Variants in TRA2A observed in about 807,000 individuals in gnomAD.
TRA2A encodes the protein transformer 2 alpha homolog.
A neutral mutation model predicts 45.7 loss-of-function variants in TRA2A; 31 were observed. The observed-to-expected ratio is 0.68, with a 90% confidence interval of 0.51 to 0.92. The LOEUF (loss-of-function observed/expected upper bound fraction) is 0.92. Among genes scored for constraint, TRA2A ranks in the 40% least tolerant of loss-of-function variants. TRA2A has a pLI of 0.00. For synonymous variants in TRA2A, 132 were observed against 126.2 expected (o/e 1.05, Z -0.31); for missense variants, 304 against 367.5 (o/e 0.83, Z 1.41).
chr7:23,531,646 C>T, intron 1 of TRA2A, 143 bp downstream of exon 1: 1 of 844,630 alleles, frequency 1.2e-6, no homozygotes, highest in Admixed American at 2.4e-5. Flanking sequence ...CAGAAGCCAT[C>T]TTGGGATGGG....
At chr7:23,520,834 A>G (rs1790104116) in intron 2 of TRA2A, among the ~76,000 whole-genome samples, 1 of 151,970 alleles carries the variant, frequency 6.6e-6, no homozygotes, top group Non-Finnish European at 1.5e-5. Flanking sequence ...CTGGGACTAC[A>G]GGTGCCCGCC....
intron 2 of TRA2A, among the ~76,000 whole-genome samples, chr7:23,518,025 C>T (rs561486377): frequency 2.0e-5 from 3 of 150,428 alleles, no homozygotes; most frequent in Admixed American, 1.3e-4. Context: ...TGCAACCTCT[C>T]TCTCCCAGGC....
intron 1 of TRA2A, among the ~76,000 whole-genome samples, chr7:23,528,730 C>A (rs151067511): frequency 1.3e-5 from 2 of 150,616 alleles, no homozygotes; most frequent in Non-Finnish European, 3.0e-5. Context: ...TGCAGTGATG[C>A]GATCTCGGCT....
intron 1 of TRA2A, among the ~76,000 whole-genome samples, chr7:23,530,909 A>ATT (rs35844350): frequency 9.3e-4 from 137 of 147,346 alleles, no homozygotes; most frequent in Middle Eastern, 3.5e-3. Context: ...AGAAAGACAG[A>ATT]TTTTTTTTTT....
At chr7:23,519,697 A>C (rs1464829943) in intron 2 of TRA2A, among the ~76,000 whole-genome samples, 2 of 152,236 alleles carry the variant, frequency 1.3e-5, no homozygotes, top group East Asian at 1.9e-4. Context: ...TAAGTAATCA[A>C]GCAAAATTTT....
At chr7:23,506,985 G>C (rs753921357) in intron 5 of TRA2A, among the ~76,000 whole-genome samples, 4 of 151,948 alleles carry the variant, frequency 2.6e-5, no homozygotes, top group East Asian at 1.9e-4. Context: ...CCGTGGTCCC[G>C]ATCTCGTGAT....
rs527599455 is a variant in TRA2A, at chr7:23,520,370, G to A, written c.170+1337C>T. Among the ~76,000 whole-genome samples, 5 of 152,306 alleles carry A rather than the reference G, an allele frequency of 3.3e-5. No individual in the cohort carries two copies. The South Asian group carries it at 8.3e-4, about 25-fold the overall frequency. ...AAATGAAATGAGACAGGAGAAAAAC[G>A]TTCTAGGTTGAAGGTGGCAAATGCA... is the stretch of plus-strand genomic sequence containing the variant. On this transcript the variant is annotated intron_variant, in intron 2 of 7. Transcript: ENST00000297071.
At chr7:23,508,803 T>G (rs959819473) in intron 4 of TRA2A, among the ~76,000 whole-genome samples, 2 of 151,698 alleles carry the variant, frequency 1.3e-5, no homozygotes, top group Admixed American at 1.3e-4. Context: ...CTGCATGCAT[T>G]TATTTTTGTA....
intron 6 of TRA2A, 58 bp downstream of exon 6, chr7:23,506,080 T>C (rs1271584729): frequency 1.2e-5 from 17 of 1,432,488 alleles, no homozygotes; most frequent in Middle Eastern, 1.8e-4. Flanking sequence ...AACATAAAAG[T>C]GCCAAGTAAC....
chr7:23,512,766 C>T, intron 4 of TRA2A, 128 bp downstream of exon 4: 1 of 830,066 alleles, frequency 1.2e-6, no homozygotes, highest in Non-Finnish European at 1.8e-6. Flanking sequence ...ACGCAAGATC[C>T]TATCTTTAAA....
rs1319392139 is a variant in TRA2A at position 23,505,305 on chromosome 7, GCATAA to G, written c.*249_*253del. On this transcript the variant is annotated 3_prime_UTR_variant, in exon 8 of 8. Transcript: ENST00000297071. ...AAAAGCAAAAAAAAAAATTTACAAAGCATAACATAACATTGGGGTTCTTTTTATAC... is the reference window on the plus strand; with the variant it reads ...AAAAGCAAAAAAAAAAATTTACAAAGCATAACATTGGGGTTCTTTTTATAC... 3.2e-5 allele frequency: 12 copies of G among 377,638 alleles called. No individual in the cohort carries two copies. Among genetic ancestry groups the G allele is most frequent in the Admixed American group, 9.0e-5 (2 of 22,284 alleles). 23.4% of individuals were successfully genotyped at this position (377,638 alleles called of 1,614,324 possible).
At chr7:23,507,217 C>T (rs1210237302) in intron 5 of TRA2A, 1 of 527,710 alleles carries the variant, frequency 1.9e-6, no homozygotes, top group Non-Finnish European at 3.4e-6. Flanking sequence ...TCCTGTGCCT[C>T]AGCTCCCGAG....
rs76455685 is a variant in TRA2A, at chr7:23,521,411, A to G, written c.170+296T>C. Reference sequence around the variant, plus strand: ...TTTGTACTGGTTGCAACTATCCAATATATTAATTGGGCTGGGAGATGATTT... The same window carrying G: ...TTTGTACTGGTTGCAACTATCCAATGTATTAATTGGGCTGGGAGATGATTT... On this transcript the variant is annotated intron_variant, in intron 2 of 7. Coordinates refer to ENST00000297071, the MANE Select transcript of TRA2A (RefSeq NM_013293.5). 9.3e-4 allele frequency among the ~76,000 whole-genome samples: 142 copies of G among 152,330 alleles called. No homozygotes were observed. The East Asian group carries it at 0.014, about 15-fold the overall frequency.
intron 4 of TRA2A, among the ~76,000 whole-genome samples, chr7:23,510,702 ATAT>A (rs1789560693): frequency 6.6e-6 from 1 of 152,212 alleles, no homozygotes; most frequent in African/African-American, 2.4e-5. Flanking sequence ...ACATTAAAAA[ATAT>A]TAATAATAAA....
intron 1 of TRA2A, 195 bp from the exon 2 acceptor site, chr7:23,522,035 A>C (rs1194100305): frequency 7.2e-7 from 1 of 1,396,544 alleles, no homozygotes; most frequent in Non-Finnish European, 9.3e-7. Flanking sequence ...CCCTACTTGA[A>C]CCAGATCACC....
intron 2 of TRA2A, among the ~76,000 whole-genome samples, chr7:23,517,477 CAAAAAAAAA>C (rs70954385): frequency 0.011 from 160 of 13,936 alleles, 10 homozygotes; most frequent in East Asian, 0.09. Context: ...GACTACGTCT[CAAAAAAAAA>C]AAAAAAAAAA....
At chr7:23,529,527 G>A (rs1790480793) in intron 1 of TRA2A, among the ~76,000 whole-genome samples, 1 of 152,056 alleles carries the variant, frequency 6.6e-6, no homozygotes, top group Non-Finnish European at 1.5e-5. Flanking sequence ...CCCAAAAATT[G>A]TTGGATTACA....
intron 5 of TRA2A, 51 bp from the exon 6 acceptor site, chr7:23,506,317 G>T: frequency 1.3e-6 from 2 of 1,510,126 alleles, no homozygotes; most frequent in South Asian, 1.3e-5. Context: ...TATTTTCCAG[G>T]ACACTTTAAT....
chr7:23,514,067 AT>A (rs879501457), intron 3 of TRA2A, among the ~76,000 whole-genome samples: 4,574 of 140,038 alleles, frequency 0.033, 167 homozygotes, highest in African/African-American at 0.11. Context: ...CGGCTAGTAG[AT>A]TTTTTTTTTT....
Sources: allele counts gnomAD v4.1 joint callset (sites outside exome capture counted in the v4.1 genomes callset), GRCh38; gene constraint gnomAD v4.1.1; transcripts MANE v1.5; gene names NCBI Gene and HGNC (gene_info 2026-07-23, HGNC 2026-07-21).